PHF20: variants seen among roughly 807,000 people sequenced by gnomAD.
PHF20 encodes glioma-expressed antigen 2.
Under a neutral mutation model 113.5 loss-of-function variants are expected in PHF20, and 23 were observed. That is an observed-to-expected ratio of 0.20 (90% CI 0.15 to 0.29). PHF20 has a LOEUF of 0.29. PHF20 is among the 10% of genes least tolerant of loss of function. The pLI is 1.00. For synonymous variants in PHF20, 434 were observed against 457.3 expected, an observed-to-expected ratio of 0.95 and a Z score of 0.65; for missense variants, 943 against 1,219.6, an observed-to-expected ratio of 0.77 and a Z score of 3.38.
intron 2 of PHF20, among the ~76,000 whole-genome samples, chr20:35,811,086 C>T (rs527857353): frequency 1.3e-5 from 2 of 151,858 alleles, no homozygotes; most frequent in South Asian, 2.1e-4. Flanking sequence ...CTTGCTCTGT[C>T]GCCAGGCTGG....
At chr20:35,881,048 C>CGTTTTTTTTTTTTTTTTTT (rs2054620632) in intron 9 of PHF20, among the ~76,000 whole-genome samples, 1 of 109,756 alleles carries the variant, frequency 9.1e-6, no homozygotes, top group Non-Finnish European at 1.8e-5. Flanking sequence ...CTCTAAATAC[C>CGTTTTTTTTTTTTTTTTTT]TTTTTTTTTT....
At position 35,940,918 on chromosome 20, in the gene PHF20, C is replaced by A. The variant is rs765923545; in HGVS notation, c.2767C>A (p.Leu923Met). ...ACCAGAAGAAGCCCCTGCTCGGAAG[C>A]TGCTGGACAGAGGTGGAGAGGGGCT... ...ALPEEAPARKLLDRGGEGLLS... is the reference protein window; with the variant it reads ...ALPEEAPARKMLDRGGEGLLS... Residue 923 changes from leucine (L) to methionine (M), a missense_variant, in exon 17 of 18, where the codon CTG becomes ATG. Physicochemically the swap from Leu to Met is conservative, Grantham distance 15. This residue lies in a region of PHF20 where 349 missense variants were observed against 412.3 expected (regional missense o/e 0.85). Coordinates refer to ENST00000374012, the MANE Select transcript of PHF20 (RefSeq NM_016436.5). 1 of 1,614,174 alleles carries A rather than the reference C, an allele frequency of 6.2e-7. No individual in the cohort carries two copies. The highest frequency in any genetic ancestry group is 1.1e-5 in the South Asian group (1 of 91,084).
chr20:35,869,637 T>G, intron 7 of PHF20, 86 bp downstream of exon 7: 1 of 767,084 alleles, frequency 1.3e-6, no homozygotes, highest in East Asian at 2.5e-5. Flanking sequence ...CCCCATTCCC[T>G]ATAGGCTCTA....
chr20:35,917,181 G>A (rs1201609374), intron 12 of PHF20: 2 of 449,516 alleles, frequency 4.4e-6, no homozygotes, highest in Non-Finnish European at 8.7e-6. Context: ...GGCCTGTGTG[G>A]TTCATGGGGA....
At chr20:35,808,732 C>G (rs1177243294) in intron 2 of PHF20, among the ~76,000 whole-genome samples, 1 of 151,754 alleles carries the variant, frequency 6.6e-6, no homozygotes, top group East Asian at 2.0e-4. Context: ...GCCACCACGC[C>G]TGGCTAATTT....
intron 2 of PHF20, among the ~76,000 whole-genome samples, chr20:35,806,631 T>C (rs1569129036): frequency 6.6e-6 from 1 of 152,162 alleles, no homozygotes; most frequent in Non-Finnish European, 1.5e-5. Context: ...AAGCCTCATA[T>C]TTACATAGGC....
At chr20:35,934,113 T>G (rs2055818328) in intron 15 of PHF20, among the ~76,000 whole-genome samples, 1 of 152,228 alleles carries the variant, frequency 6.6e-6, no homozygotes, top group African/African-American at 2.4e-5. Flanking sequence ...AGGCTGCTCC[T>G]GGATAGGATT....
chr20:35,831,305 A>T (rs2042354383), intron 2 of PHF20, among the ~76,000 whole-genome samples: 1 of 152,050 alleles, frequency 6.6e-6, no homozygotes, highest in Non-Finnish European at 1.5e-5. Flanking sequence ...GACTACAGGC[A>T]TGCATCACCA....
At chr20:35,819,992 T>C (rs559250642) in intron 2 of PHF20, among the ~76,000 whole-genome samples, 1 of 152,184 alleles carries the variant, frequency 6.6e-6, no homozygotes, top group Non-Finnish European at 1.5e-5. Flanking sequence ...CTACTTTATA[T>C]ATGAGGAAAT....
chr20:35,883,901 T>G (rs2054678901), intron 9 of PHF20, among the ~76,000 whole-genome samples: 1 of 152,170 alleles, frequency 6.6e-6, no homozygotes, highest in African/African-American at 2.4e-5. Context: ...ATTAAAGCAG[T>G]GTGTACACTC....
At chr20:35,898,891 G>A (rs2055041478) in intron 9 of PHF20, among the ~76,000 whole-genome samples, 1 of 152,118 alleles carries the variant, frequency 6.6e-6, no homozygotes, top group Admixed American at 6.6e-5. Flanking sequence ...GATTACAGGT[G>A]TGAACCACCA....
intron 17 of PHF20, among the ~76,000 whole-genome samples, chr20:35,942,135 G>T (rs2055992678): frequency 6.6e-6 from 1 of 152,134 alleles, no homozygotes; most frequent in Admixed American, 6.6e-5. Flanking sequence ...AACTAGCCAA[G>T]TGTAGGGGTG....
intron 9 of PHF20, among the ~76,000 whole-genome samples, chr20:35,877,936 C>T (rs2054561572): frequency 6.6e-6 from 1 of 152,164 alleles, no homozygotes; most frequent in South Asian, 2.1e-4. Context: ...CAAAAATTAA[C>T]AGATGATTTA....
chr20:35,890,068 C>A (rs902718173), intron 9 of PHF20, among the ~76,000 whole-genome samples: 3 of 150,968 alleles, frequency 2.0e-5, no homozygotes, highest in Non-Finnish European at 4.4e-5. Flanking sequence ...CTCACTGTTG[C>A]CCAAGCTGGA....
chr20:35,851,931 A>G (rs1334967075), intron 4 of PHF20, among the ~76,000 whole-genome samples: 1 of 151,804 alleles, frequency 6.6e-6, no homozygotes, highest in African/African-American at 2.4e-5. Context: ...AAAAAAAAAA[A>G]GATGTCAATG....
At chr20:35,791,407 A>T (rs1041304360) in intron 1 of PHF20, among the ~76,000 whole-genome samples, 15 of 151,152 alleles carry the variant, frequency 9.9e-5, no homozygotes, top group African/African-American at 3.6e-4. Context: ...GGGCTGATAT[A>T]GTTTTTATAT....
At chr20:35,875,837 C>G (rs1051127321) in intron 9 of PHF20, among the ~76,000 whole-genome samples, 1 of 152,168 alleles carries the variant, frequency 6.6e-6, no homozygotes, top group African/African-American at 2.4e-5. Flanking sequence ...AGTGAGGAGA[C>G]TAGATTAGAA....
At chr20:35,934,816 AC>A (rs2055834105) in intron 15 of PHF20, among the ~76,000 whole-genome samples, 1 of 152,164 alleles carries the variant, frequency 6.6e-6, no homozygotes, top group African/African-American at 2.4e-5. Flanking sequence ...GGTGAACTGA[AC>A]CAAATGACGG....
intron 1 of PHF20, among the ~76,000 whole-genome samples, chr20:35,790,450 C>T (rs2041522274): frequency 6.6e-6 from 1 of 152,184 alleles, no homozygotes; most frequent in Non-Finnish European, 1.5e-5. Flanking sequence ...ATCCGCCTGC[C>T]TCAGCCTCCC....
Sources: gnomAD v4.1 joint callset for allele counts (sites outside exome capture counted in the v4.1 genomes callset) on GRCh38, gnomAD v4.1.1 for gene constraint, gnomAD v4.1.1 regional missense constraint, MANE v1.5 for transcripts, NCBI Gene and HGNC (gene_info 2026-07-23, HGNC 2026-07-21) for gene names.